CDK14: variants seen among roughly 807,000 people sequenced by gnomAD.
CDK14 encodes the protein cyclin dependent kinase 14.
In CDK14, 34 loss-of-function variants were observed where a neutral mutation model predicts 60.7. The observed-to-expected ratio is 0.56, with a 90% CI of 0.43 to 0.75. The LOEUF (loss-of-function observed/expected upper bound fraction) is 0.75, where lower values mean the gene tolerates loss of function less well. CDK14 is among the 30% of genes least tolerant of loss of function. The pLI is 0.00. For missense variants in CDK14, 482 were observed against 564.1 expected (o/e 0.85, Z 1.47); for synonymous variants, 197 against 203.7 (o/e 0.97, Z 0.28).
chr7:91,042,104 T>C (rs893680867), intron 10 of CDK14, among the ~76,000 whole-genome samples: 5 of 152,154 alleles, frequency 3.3e-5, no homozygotes, highest in African/African-American at 4.8e-5. Flanking sequence ...AAAGTGACCC[T>C]TGTACTGAAG....
intron 6 of CDK14, among the ~76,000 whole-genome samples, chr7:90,889,386 G>A (rs1792045980): frequency 1.3e-5 from 2 of 152,150 alleles, no homozygotes. Context: ...CAGGTTGCTG[G>A]TTTACATGAT....
At chr7:91,025,766 G>GA (rs1303014329) in intron 10 of CDK14, among the ~76,000 whole-genome samples, 2 of 152,140 alleles carry the variant, frequency 1.3e-5, no homozygotes, top group South Asian at 2.1e-4. Context: ...AGCAGTATGG[G>GA]AAAAAAAGAG....
intron 14 of CDK14, among the ~76,000 whole-genome samples, chr7:91,179,287 A>T (rs924391910): frequency 7.0e-6 from 1 of 142,308 alleles, no homozygotes; most frequent in Non-Finnish European, 1.5e-5. Flanking sequence ...TCTCACTCAT[A>T]GGTGGGAATT....
intron 14 of CDK14, among the ~76,000 whole-genome samples, chr7:91,145,181 T>G (rs1248463636): frequency 6.6e-6 from 1 of 152,216 alleles, no homozygotes; most frequent in East Asian, 1.9e-4. Context: ...CTTCAGTGTT[T>G]TAAGATTTCC....
At chr7:90,726,893 C>A in intron 3 of CDK14, 81 bp downstream of exon 3, 1 of 1,517,976 alleles carries the variant, frequency 6.6e-7, no homozygotes, top group Non-Finnish European at 8.9e-7. Flanking sequence ...TGGAAGACAG[C>A]AGGAAACTTT....
chr7:91,164,166 G>T (rs1367707978), intron 14 of CDK14, among the ~76,000 whole-genome samples: 1 of 152,156 alleles, frequency 6.6e-6, no homozygotes, highest in Admixed American at 6.5e-5. Context: ...GTGAATGGTT[G>T]AATAAATTAC....
Position 90,655,606 on chromosome 7 carries a change from T to G in CDK14, c.123+51357T>G, listed in dbSNP as rs1051972981. On this transcript the variant is annotated intron_variant, in intron 2 of 14. Transcript: ENST00000380050. ...ACATAAATCAAGTATAAAATTGTTA[T>G]CTGTTTTATAATTGCACATGAGCAA... Among the ~76,000 whole-genome samples the G allele has an allele frequency of 2.0e-5, 3 of 152,208 alleles. No homozygotes were observed. In the East Asian group the frequency reaches 5.8e-4, roughly 29 times the overall value.
chr7:90,790,390 T>A (rs544761249), intron 4 of CDK14, among the ~76,000 whole-genome samples, 183 bp from the exon 5 acceptor site: 1 of 152,304 alleles, frequency 6.6e-6, no homozygotes, highest in South Asian at 2.1e-4. Flanking sequence ...ATATTTAAAA[T>A]GTGAATATTT....
chr7:91,002,345 C>A (rs1044306119), intron 10 of CDK14, among the ~76,000 whole-genome samples: 2 of 152,066 alleles, frequency 1.3e-5, no homozygotes, highest in African/African-American at 2.4e-5. Flanking sequence ...GTTATAATAT[C>A]TCTTATATAT....
At chr7:91,025,935 C>G (rs1268863708) in intron 10 of CDK14, among the ~76,000 whole-genome samples, 1 of 152,130 alleles carries the variant, frequency 6.6e-6, no homozygotes, top group African/African-American at 2.4e-5. Flanking sequence ...ACCTGTTGTG[C>G]TGTAAGCCTA....
At chr7:90,688,671 A>G (rs1027310319) in intron 2 of CDK14, among the ~76,000 whole-genome samples, 1 of 152,176 alleles carries the variant, frequency 6.6e-6, no homozygotes, top group African/African-American at 2.4e-5. Context: ...AAAGTTTATT[A>G]TGGTAATGTA....
intron 14 of CDK14, among the ~76,000 whole-genome samples, chr7:91,148,884 G>A (rs1370019979): frequency 6.6e-6 from 1 of 152,142 alleles, no homozygotes; most frequent in Non-Finnish European, 1.5e-5. Flanking sequence ...CAGACCAACA[G>A]CATCAGTTAT....
Position 90,748,860 on chromosome 7 carries a change from A to T in CDK14, c.464+1085A>T, listed in dbSNP as rs190951845. On this transcript the variant is annotated intron_variant, in intron 4 of 14. Coordinates refer to ENST00000380050, the MANE Select transcript of CDK14 (RefSeq NM_001287135.2). ...GGCCTCGGCCACCCAAAGTGTTGGG[A>T]TTACAGGCATGAACCACTGCACCCA... 2.5e-3 allele frequency among the ~76,000 whole-genome samples: 383 copies of T among 152,296 alleles called. 2 individuals carry two copies. Among genetic ancestry groups the T allele is most frequent in the African/African-American group, 8.8e-3 (366 of 41,562 alleles).
Position 91,118,001 on chromosome 7 carries a change from A to G in CDK14, c.1295-64A>G. The G allele has an allele frequency of 3.3e-6, 3 of 901,518 alleles. No individual in the cohort carries two copies. In the South Asian group the frequency reaches 5.6e-5, roughly 17 times the overall value. The allele number at this position is 901,518 out of a possible 1,614,324, so 55.8% of individuals were successfully genotyped here. A position where few individuals can be genotyped will look rare whatever the true frequency, so the allele number is the denominator to read the frequency against. On this transcript the variant is annotated intron_variant, in intron 13 of 14. Coordinates refer to ENST00000380050, the MANE Select transcript of CDK14 (RefSeq NM_001287135.2). Reference sequence around the variant, plus strand: ...TTGCATCTCAGTCTCCATTTTTTTAAAAAAAAAACATGATTATAAATATCT... The same window carrying G: ...TTGCATCTCAGTCTCCATTTTTTTAGAAAAAAAACATGATTATAAATATCT...
At chr7:91,035,966 C>T (rs370319924) in intron 10 of CDK14, among the ~76,000 whole-genome samples, 2 of 151,570 alleles carry the variant, frequency 1.3e-5, no homozygotes, top group South Asian at 4.2e-4. Context: ...GCCTCAGCCT[C>T]CCGAGTAGCT....
At chr7:90,738,345 T>G (rs1803205392) in intron 3 of CDK14, among the ~76,000 whole-genome samples, 1 of 152,170 alleles carries the variant, frequency 6.6e-6, no homozygotes, top group South Asian at 2.1e-4. Context: ...TAGCTTAAGG[T>G]CTGATACATA....
intron 2 of CDK14, among the ~76,000 whole-genome samples, chr7:90,648,136 G>A (rs1416205505): frequency 6.6e-6 from 1 of 152,076 alleles, no homozygotes; most frequent in Non-Finnish European, 1.5e-5. Context: ...AACCTAGCTG[G>A]GTGGTTTAGG....
chr7:90,696,975 G>A (rs1438773679), intron 2 of CDK14, among the ~76,000 whole-genome samples: 2 of 152,196 alleles, frequency 1.3e-5, no homozygotes, highest in South Asian at 2.1e-4. Context: ...TTCAGATGAG[G>A]TCTGGGAATT....
intron 2 of CDK14, among the ~76,000 whole-genome samples, chr7:90,637,049 C>T (rs574784562): frequency 1.4e-3 from 214 of 152,140 alleles, no homozygotes; most frequent in African/African-American, 4.6e-3. Context: ...GCCTTGCTAG[C>T]GGTCTATCAA....
Sources: gnomAD v4.1 joint callset for allele counts (sites outside exome capture counted in the v4.1 genomes callset) on GRCh38, gnomAD v4.1.1 for gene constraint, MANE v1.5 for transcripts, NCBI Gene and HGNC (gene_info 2026-07-23, HGNC 2026-07-21) for gene names.